Variants in KCNG3 observed in about 807,000 individuals in gnomAD.
KCNG3 encodes the protein voltage-gated potassium channel regulatory subunit KCNG3.
Under a neutral mutation model 29.0 loss-of-function variants are expected in KCNG3, and 15 were observed. The ratio of observed to expected loss-of-function variants is 0.52; its 90% confidence interval spans 0.35 to 0.80. The LOEUF (loss-of-function observed/expected upper bound fraction) is 0.80. Ranked by LOEUF, KCNG3 falls within the 30% of genes least tolerant of loss-of-function variation. KCNG3 has a pLI of 0.01. For missense variants in KCNG3, 512 were observed against 605.7 expected (o/e 0.85, Z 1.62); for synonymous variants, 322 against 248.9 (o/e 1.29, Z -2.76).
chr2:42,447,672 A>G (rs538421589), intron 1 of KCNG3, among the ~76,000 whole-genome samples: 38 of 151,762 alleles, frequency 2.5e-4, no homozygotes, highest in African/African-American at 7.5e-4. Context: ...GTACCACCAC[A>G]CTTGGTTAAT....
intron 1 of KCNG3, among the ~76,000 whole-genome samples, chr2:42,457,627 TCA>T (rs56251665): frequency 0.024 from 3,003 of 125,468 alleles, 49 homozygotes; most frequent in African/African-American, 0.053. Flanking sequence ...CAGGCAGATC[TCA>T]CACACACACA....
At chr2:42,446,649 A>G (rs560612129) in intron 1 of KCNG3, among the ~76,000 whole-genome samples, 1 of 152,292 alleles carries the variant, frequency 6.6e-6, no homozygotes, top group South Asian at 2.1e-4. Flanking sequence ...TTTTGAAAAG[A>G]ATTACTCAAA....
At chr2:42,488,965 G>C (rs1673804483) in intron 1 of KCNG3, among the ~76,000 whole-genome samples, 1 of 152,056 alleles carries the variant, frequency 6.6e-6, no homozygotes, top group South Asian at 2.1e-4. Flanking sequence ...TGCGGTAGTG[G>C]AGAAATGACA....
chr2:42,408,620 T>G, the KCNG3 span, among the ~76,000 whole-genome samples: 1 of 152,144 alleles, frequency 6.6e-6, no homozygotes, highest in Non-Finnish European at 1.5e-5. Context: ...AGCTGCCCCC[T>G]GTGGTAGACT....
intron 1 of KCNG3, among the ~76,000 whole-genome samples, chr2:42,489,389 A>T (rs1047826467): frequency 2.0e-5 from 3 of 152,108 alleles, no homozygotes; most frequent in African/African-American, 7.2e-5. Context: ...ATCTCTTCTC[A>T]ATCAATCAAC....
In KCNG3 at chr2:42,444,699, A is replaced by G; in HGVS notation, c.666-120T>C. The G allele has an allele frequency of 5.7e-6, 5 of 870,780 alleles. No homozygotes were observed. The South Asian group carries it at 7.1e-5, about 12-fold the overall frequency. The allele number at this position is 870,780 out of a possible 1,614,324, so 53.9% of individuals were successfully genotyped here. A position where few individuals can be genotyped will look rare whatever the true frequency, so the allele number is the denominator to read the frequency against. Reference sequence around the variant, plus strand: ...TTCAGTTACTTTTCCAGAAAACATAAAGAACAGACAACATTAGCAACATCA... The same window carrying G: ...TTCAGTTACTTTTCCAGAAAACATAGAGAACAGACAACATTAGCAACATCA... On this transcript the variant is annotated intron_variant, in intron 1 of 1. Coordinates refer to ENST00000306078, the MANE Select transcript of KCNG3 (RefSeq NM_133329.6). This position sits in a 1 kb window ranked among gnomAD's most constrained non-coding sequence, Gnocchi z 5.8.
chr2:42,417,845 G>A, the KCNG3 span, among the ~76,000 whole-genome samples: 5 of 152,068 alleles, frequency 3.3e-5, no homozygotes, highest in South Asian at 2.1e-4. Flanking sequence ...GGTGGCGTGC[G>A]CCTGTAGTCC....
the KCNG3 span, chr2:42,424,695 T>TTA: frequency 1.3e-5 from 2 of 152,208 alleles, no homozygotes; most frequent in Non-Finnish European, 2.9e-5. Flanking sequence ...CACATAAGTG[T>TTA]TACCTGACGA....
At chr2:42,465,169 G>A (rs1673109657) in intron 1 of KCNG3, among the ~76,000 whole-genome samples, 1 of 151,324 alleles carries the variant, frequency 6.6e-6, no homozygotes, top group Non-Finnish European at 1.5e-5. Flanking sequence ...ATTTAAAAGT[G>A]AAAACTTTAA....
the KCNG3 span, among the ~76,000 whole-genome samples, chr2:42,417,385 A>G: frequency 2.0e-5 from 3 of 152,142 alleles, no homozygotes; most frequent in Admixed American, 2.0e-4. Context: ...CAGCTGCACA[A>G]TTATGGCTTA....
downstream of KCNG3, among the ~76,000 whole-genome samples, chr2:42,438,795 A>G (rs1005985604): frequency 1.3e-5 from 2 of 151,924 alleles, no homozygotes; most frequent in African/African-American, 4.9e-5. Flanking sequence ...TCACAAATCT[A>G]TGGAAGGCTT....
chr2:42,437,220 G>A (rs1057363298), downstream of KCNG3, among the ~76,000 whole-genome samples: 7 of 152,114 alleles, frequency 4.6e-5, no homozygotes, highest in Non-Finnish European at 1.0e-4. Flanking sequence ...ACAAACATGT[G>A]TGTGCCCAGT....
chr2:42,492,615 A>T (rs1196173068), intron 1 of KCNG3, among the ~76,000 whole-genome samples: 1 of 152,238 alleles, frequency 6.6e-6, no homozygotes, highest in East Asian at 1.9e-4. Context: ...TTCGCCCTCA[A>T]GAGGTGCGTC....
chr2:42,482,947 C>A lies in KCNG3; in HGVS notation c.665+9890G>T, dbSNP rs1473799564. Among the ~76,000 whole-genome samples the A allele has an allele frequency of 2.6e-5, 4 of 151,974 alleles. No individual in the cohort carries two copies. The South Asian group carries it at 6.3e-4, about 24-fold the overall frequency. ...ACCAGCCCGGACAATATAGCAAGAT[C>A]CCATCTCTACAAAAAATATAAAAAT... On this transcript the variant is annotated intron_variant, in intron 1 of 1. Transcript: ENST00000306078.
the KCNG3 span, among the ~76,000 whole-genome samples, chr2:42,396,103 A>C: frequency 6.2e-3 from 949 of 152,364 alleles, 9 homozygotes; most frequent in African/African-American, 0.022. Context: ...AAAGCATTGA[A>C]TGTCTCATGT....
the KCNG3 span, among the ~76,000 whole-genome samples, chr2:42,422,833 G>A: frequency 3.3e-5 from 5 of 152,152 alleles, no homozygotes; most frequent in African/African-American, 1.2e-4. Flanking sequence ...CCTAGTTGCT[G>A]AAACCAGTGA....
intron 1 of KCNG3, among the ~76,000 whole-genome samples, chr2:42,476,331 G>C (rs1461380456): frequency 1.3e-5 from 2 of 151,638 alleles, no homozygotes; most frequent in African/African-American, 4.8e-5. Flanking sequence ...CAAAAAATTA[G>C]CCAGGTACAG....
At chr2:42,433,186 A>G in the KCNG3 span, among the ~76,000 whole-genome samples, 1 of 152,246 alleles carries the variant, frequency 6.6e-6, no homozygotes, top group East Asian at 1.9e-4. Context: ...GATTGAAAAG[A>G]AAGAAGTAAA....
chr2:42,493,118 C>G lies in KCNG3; in HGVS notation c.384G>C (p.Ser128=). ...GGCCCAGCACGCCCGGCTCGTCGGC[C>G]GAGTAGAAGGTGTAGGTGTCGGACA... ...DRMSDTYTFY[S]ADEPGVLGRD... The change falls in exon 1 of 2, where the codon TCG becomes TCC. Residue 128 remains serine, a synonymous_variant. Coordinates refer to ENST00000306078, the MANE Select transcript of KCNG3 (RefSeq NM_133329.6). 1.3e-6 allele frequency: 2 copies of G among 1,597,726 alleles called. No individual in the cohort carries two copies. The highest frequency in any genetic ancestry group is 8.5e-7 in the Non-Finnish European group (1 of 1,176,146).
Sources: allele counts gnomAD v4.1 joint callset (sites outside exome capture counted in the v4.1 genomes callset), GRCh38; gene constraint gnomAD v4.1.1; non-coding constraint Gnocchi (gnomAD v3.1); transcripts MANE v1.5; gene names NCBI Gene and HGNC (gene_info 2026-07-23, HGNC 2026-07-21).